STYX: variants seen among roughly 807,000 people sequenced by gnomAD.
The protein encoded by STYX is serine/threonine/tyrosine interacting protein, also known as serine/threonine/tyrosine-interacting protein.
STYX carries 20 observed loss-of-function variants against 42.7 expected under a neutral mutation model. The observed-to-expected ratio is 0.47, with a 90% confidence interval of 0.33 to 0.68. STYX has a LOEUF of 0.68. Ranked by LOEUF, STYX falls within the 30% of genes least tolerant of loss-of-function variation. The pLI, the probability that STYX is intolerant of heterozygous loss-of-function variation, is 0.02. For synonymous variants in STYX, 78 were observed against 81.9 expected (o/e 0.95, Z 0.26); for missense variants, 226 against 268.5 (o/e 0.84, Z 1.11).
At chr14:52,733,023 A>G (rs1880797634) in intron 1 of STYX, among the ~76,000 whole-genome samples, 1 of 152,190 alleles carries the variant, frequency 6.6e-6, no homozygotes, top group African/African-American at 2.4e-5. Flanking sequence ...AACTGCAAGC[A>G]ACCTTACAAA....
intron 1 of STYX, among the ~76,000 whole-genome samples, chr14:52,744,138 G>A (rs1185829813): frequency 6.6e-6 from 1 of 151,998 alleles, no homozygotes; most frequent in Non-Finnish European, 1.5e-5. Context: ...AGTCTATTTC[G>A]ATTCTTCATT....
intron 1 of STYX, among the ~76,000 whole-genome samples, chr14:52,734,214 T>C (rs999759495): frequency 2.6e-5 from 4 of 152,220 alleles, no homozygotes; most frequent in African/African-American, 9.6e-5. Flanking sequence ...CTGGTCCTTT[T>C]GTTACTTAGG....
chr14:52,741,234 T>A lies in STYX; in HGVS notation c.58-3618T>A, dbSNP rs1338086958. Reference sequence around the variant, plus strand: ...TTTATATATATATATATATATATTTTTTTTTTGGTAAAGCCTAGGAGTGGA... The same window carrying A: ...TTTATATATATATATATATATATTTATTTTTTGGTAAAGCCTAGGAGTGGA... On this transcript the variant is annotated intron_variant, in intron 1 of 10. Coordinates refer to ENST00000354586, the MANE Select transcript of STYX (RefSeq NM_145251.4). Among the ~76,000 whole-genome samples the A allele has an allele frequency of 6.0e-5, 9 of 149,074 alleles. No individual in the cohort carries two copies. The South Asian group carries it at 1.3e-3, about 21-fold the overall frequency.
Position 52,732,576 on chromosome 14 carries a change from A to G in STYX, c.57+2045A>G, listed in dbSNP as rs1208482921. Among the ~76,000 whole-genome samples, 6 of 151,096 alleles carry G rather than the reference A, an allele frequency of 4.0e-5. No individual in the cohort carries two copies. The East Asian group carries it at 1.2e-3, about 30-fold the overall frequency. On this transcript the variant is annotated intron_variant, in intron 1 of 10. Transcript: ENST00000354586. ...GCGTGAGCTACCGCGCCCGGCCAATATACTCTTAGAAAACAGGAGGTCATA... is the reference window on the plus strand; with the variant it reads ...GCGTGAGCTACCGCGCCCGGCCAATGTACTCTTAGAAAACAGGAGGTCATA...
chr14:52,761,568 T>TA (rs1254156584), intron 9 of STYX, among the ~76,000 whole-genome samples: 1 of 133,824 alleles, frequency 7.5e-6, no homozygotes, highest in Admixed American at 7.2e-5. Context: ...AGCCAAAAGT[T>TA]TTTTTTTTTT....
intron 4 of STYX, among the ~76,000 whole-genome samples, chr14:52,752,250 C>T (rs972771654): frequency 5.3e-5 from 8 of 151,752 alleles, no homozygotes; most frequent in Admixed American, 4.6e-4. Context: ...GGGTGGATCA[C>T]GAGGTCGAGA....
intron 4 of STYX, among the ~76,000 whole-genome samples, chr14:52,754,366 G>A (rs971846643): frequency 1.3e-5 from 2 of 150,938 alleles, no homozygotes; most frequent in African/African-American, 4.9e-5. Flanking sequence ...GTGCACCACC[G>A]GATCGGGCTA....
intron 1 of STYX, among the ~76,000 whole-genome samples, chr14:52,739,969 A>G (rs1222475759): frequency 6.6e-6 from 1 of 152,064 alleles, no homozygotes; most frequent in African/African-American, 2.4e-5. Context: ...AAAGATTACC[A>G]TAACACATTG....
In STYX at chr14:52,730,320, C is replaced by A; in HGVS notation, c.-155C>A. 1 of 702,590 alleles carries A rather than the reference C, an allele frequency of 1.4e-6. No individual in the cohort carries two copies. The highest frequency in any genetic ancestry group is 2.5e-6 in the Non-Finnish European group (1 of 402,776). The allele number at this position is 702,590 out of a possible 1,614,324, so 43.5% of individuals were successfully genotyped here. ...GCCGCCGCTGCTGGAGTCACTGGGA[C>A]CCTGTAGTCTGCGTGTGTTAGTTGT... On this transcript the variant is annotated 5_prime_UTR_variant, in exon 1 of 11. Coordinates refer to ENST00000354586, the MANE Select transcript of STYX (RefSeq NM_145251.4).
Position 52,771,211 on chromosome 14 carries a change from A to G in STYX, c.*105A>G, listed in dbSNP as rs1422166988. The G allele has an allele frequency of 1.9e-5, 20 of 1,042,998 alleles. No individual in the cohort carries two copies. The East Asian group carries it at 2.1e-4, about 11-fold the overall frequency. The allele number at this position is 1,042,998 out of a possible 1,614,324, so 64.6% of individuals were successfully genotyped here. A position where few individuals can be genotyped will look rare whatever the true frequency, so the allele number is the denominator to read the frequency against. On this transcript the variant is annotated 3_prime_UTR_variant, in exon 11 of 11. Transcript: ENST00000354586. Reference sequence around the variant, plus strand: ...AAAAACATAAGTAGTTTTTTTTTCAATTACATGTTGCTTCCAGACATACTT... The same window carrying G: ...AAAAACATAAGTAGTTTTTTTTTCAGTTACATGTTGCTTCCAGACATACTT...
intron 3 of STYX, among the ~76,000 whole-genome samples, chr14:52,747,187 A>G (rs1594870227): frequency 6.6e-6 from 1 of 152,226 alleles, no homozygotes; most frequent in East Asian, 1.9e-4. Context: ...ACTCAGTTGC[A>G]GTTAAAATAG....
chr14:52,743,245 C>T lies in STYX; in HGVS notation c.58-1607C>T, dbSNP rs75345929. On this transcript the variant is annotated intron_variant, in intron 1 of 10. Transcript: ENST00000354586. ...TCTCATTGTAGGATTATTATTCTCT[C>T]TTTTCATTATAGATGTATACTATTT... 5.1e-3 allele frequency among the ~76,000 whole-genome samples: 780 copies of T among 151,834 alleles called. 6 individuals carry two copies. The highest frequency in any genetic ancestry group is 0.044 in the East Asian group (230 of 5,182).
chr14:52,740,809 T>C (rs1378987840), intron 1 of STYX, among the ~76,000 whole-genome samples: 1 of 152,224 alleles, frequency 6.6e-6, no homozygotes, highest in African/African-American at 2.4e-5. Context: ...ATAGTAAGTG[T>C]GCAGTTCATT....
intron 9 of STYX, among the ~76,000 whole-genome samples, chr14:52,766,448 G>A (rs913245089): frequency 6.6e-6 from 1 of 152,052 alleles, no homozygotes; most frequent in African/African-American, 2.4e-5. Context: ...GGATTACGAC[G>A]TGAGACCACA....
At chr14:52,735,307 A>G (rs1016380650) in intron 1 of STYX, among the ~76,000 whole-genome samples, 1 of 152,182 alleles carries the variant, frequency 6.6e-6, no homozygotes, top group Non-Finnish European at 1.5e-5. Flanking sequence ...TGTGTTTGAA[A>G]TCTAGAGGAA....
At chr14:52,760,823 T>C (rs1019945661) in intron 9 of STYX, among the ~76,000 whole-genome samples, 1 of 151,868 alleles carries the variant, frequency 6.6e-6, no homozygotes, top group Non-Finnish European at 1.5e-5. Context: ...TAAGCTTTTC[T>C]TTTTTTTGTG....
intron 1 of STYX, among the ~76,000 whole-genome samples, chr14:52,744,133 A>G (rs991225670): frequency 2.0e-5 from 3 of 152,104 alleles, no homozygotes; most frequent in African/African-American, 4.8e-5. Flanking sequence ...CTTTTAGTCT[A>G]TTTCGATTCT....
At position 52,731,159 on chromosome 14, in the gene STYX, A is replaced by G. The variant is rs549013619; in HGVS notation, c.57+628A>G. Among the ~76,000 whole-genome samples, 18 of 152,254 alleles carry G rather than the reference A, an allele frequency of 1.2e-4. No homozygotes were observed. The South Asian group carries it at 3.7e-3, about 32-fold the overall frequency. On this transcript the variant is annotated intron_variant, in intron 1 of 10. Coordinates refer to ENST00000354586, the MANE Select transcript of STYX (RefSeq NM_145251.4). ...TTTGTGGCTATTTTTACTCCACCTT[A>G]GATCCCTGCCTGCTGTTTCTACTCG... is the stretch of plus-strand genomic sequence containing the variant.
chr14:52,732,173 C>T (rs1429639360), intron 1 of STYX, among the ~76,000 whole-genome samples: 2 of 150,564 alleles, frequency 1.3e-5, no homozygotes, highest in Non-Finnish European at 3.0e-5. Flanking sequence ...TCTCAGCCCA[C>T]CGCAGCCTCT....
Sources: allele counts gnomAD v4.1 joint callset (sites outside exome capture counted in the v4.1 genomes callset), GRCh38; gene constraint gnomAD v4.1.1; transcripts MANE v1.5; gene names NCBI Gene and HGNC (gene_info 2026-07-23, HGNC 2026-07-21).